The following PACC1 variants were observed in gnomAD, a reference collection of about 807,000 sequenced individuals.
PACC1 encodes the protein proton-activated chloride channel.
A neutral mutation model predicts 39.7 loss-of-function variants in PACC1; 34 were observed. The observed-to-expected ratio is 0.86, with a 90% CI of 0.65 to 1.14. The LOEUF (loss-of-function observed/expected upper bound fraction) is 1.14. Ranked by LOEUF, PACC1 falls within the 50% of genes most tolerant of loss-of-function variation. PACC1 has a pLI of 0.00. For synonymous variants in PACC1, 127 were observed against 160.6 expected, an observed-to-expected ratio of 0.79 and a Z score of 1.58; for missense variants, 379 against 436.4, an observed-to-expected ratio of 0.87 and a Z score of 1.17.
chr1:212,401,329 A>G (rs995462312), intron 2 of PACC1, among the ~76,000 whole-genome samples: 5 of 152,094 alleles, frequency 3.3e-5, no homozygotes, highest in Non-Finnish European at 5.9e-5. Context: ...TTCTCTCACT[A>G]TGTTTTCGAG....
At position 212,410,478 on chromosome 1, in the gene PACC1, G is replaced by A; in HGVS notation, c.80C>T (p.Ala27Val). The A allele has an allele frequency of 6.2e-7, 1 of 1,614,176 alleles. No individual in the cohort carries two copies. Among genetic ancestry groups the A allele is most frequent in the Non-Finnish European group, 8.5e-7 (1 of 1,180,018 alleles). Residue 27 changes from alanine to valine, a missense_variant, in exon 2 of 8, where the codon GCA becomes GTA. Coordinates refer to ENST00000261455, the MANE Select transcript of PACC1 (RefSeq NM_018252.3). The part of the protein sequence containing the change: ...LVQVVENSEL[A>V]DEQDKETVRV... ...GACCGTCTCCTTGTCCTGCTCGTCT[G>A]CCAGCTCTGAGTTCTCAACCACCTG...
intron 2 of PACC1, among the ~76,000 whole-genome samples, chr1:212,388,054 C>CAAA (rs57874166): frequency 9.9e-6 from 1 of 100,590 alleles, no homozygotes; most frequent in Non-Finnish European, 2.2e-5. Flanking sequence ...AACTCCATCT[C>CAAA]AAAAAAAAAA....
chr1:212,367,616 GGTCTGGGA>G (rs1660292930), intron 7 of PACC1, among the ~76,000 whole-genome samples: 1 of 152,102 alleles, frequency 6.6e-6, no homozygotes, highest in African/African-American at 2.4e-5. Context: ...ATACTGCACT[GGTCTGGGA>G]GTCTGTGGGT....
At chr1:212,388,518 G>A (rs764003153) in intron 2 of PACC1, among the ~76,000 whole-genome samples, 6 of 152,126 alleles carry the variant, frequency 3.9e-5, no homozygotes, top group Non-Finnish European at 7.4e-5. Flanking sequence ...ATATAATTAA[G>A]GTTAAATGTG....
intron 4 of PACC1, among the ~76,000 whole-genome samples, chr1:212,380,817 C>T (rs1660850102): frequency 6.6e-6 from 1 of 152,214 alleles, no homozygotes; most frequent in African/African-American, 2.4e-5. Flanking sequence ...CTTCCCCATC[C>T]CCAAACTTGT....
rs563233057 is a variant in PACC1 at position 212,384,035 on chromosome 1, T to G, written c.495+1239A>C. On this transcript the variant is annotated intron_variant, in intron 4 of 7. Coordinates refer to ENST00000261455, the MANE Select transcript of PACC1 (RefSeq NM_018252.3). ...AACGGTGCTGATTCCAAGCTGGGGG[T>G]TTGGAAGGAAAGCTTGTACCTCTAC... Among the ~76,000 whole-genome samples, 85 of 152,176 alleles carry G rather than the reference T, an allele frequency of 5.6e-4. 1 individual carries two copies. The South Asian group carries it at 0.017, about 30-fold the overall frequency.
intron 7 of PACC1, among the ~76,000 whole-genome samples, chr1:212,371,554 A>G (rs1039666768): frequency 1.3e-5 from 2 of 152,134 alleles, no homozygotes; most frequent in Non-Finnish European, 2.9e-5. Context: ...AGGCAGTAAT[A>G]AAAGAAAAGC....
rs1448711111 is a variant in PACC1 at position 212,410,445 on chromosome 1, T to G, written c.113A>C (p.Gln38Pro). 6.2e-7 allele frequency: 1 copy of G among 1,614,150 alleles called. No homozygotes were observed. Among genetic ancestry groups the G allele is most frequent in the Non-Finnish European group, 8.5e-7 (1 of 1,179,998 alleles). ...CTCACCTGGTAAGATACCCGGACCT[T>G]GGACTCTGACCGTCTCCTTGTCCTG... ...DEQDKETVRV[Q>P]GPGILPGLDS... The change falls in exon 2 of 8, where the codon CAA (glutamine) becomes CCA (proline). Residue 38 changes from glutamine (Q) to proline (P), a missense_variant. Transcript: ENST00000261455.
At chr1:212,412,065 C>T (rs577175966) in intron 1 of PACC1, among the ~76,000 whole-genome samples, 6 of 151,678 alleles carry the variant, frequency 4.0e-5, no homozygotes, top group South Asian at 2.1e-4. Context: ...CTCTTGAACC[C>T]GGGAGGCGGA....
chr1:212,383,128 T>C (rs1394773331), intron 4 of PACC1, among the ~76,000 whole-genome samples: 1 of 152,234 alleles, frequency 6.6e-6, no homozygotes, highest in African/African-American at 2.4e-5. Flanking sequence ...GCTTGTGGAC[T>C]TCAAGAAATT....
At chr1:212,383,743 T>C (rs903822744) in intron 4 of PACC1, among the ~76,000 whole-genome samples, 23 of 152,234 alleles carry the variant, frequency 1.5e-4, no homozygotes, top group Admixed American at 4.6e-4. Context: ...AAGCTAAGTA[T>C]GCTCTGTGGA....
rs1662189565 is a variant in PACC1, at chr1:212,412,916, G to A, written c.36+1806C>T. Among the ~76,000 whole-genome samples the A allele has an allele frequency of 3.3e-5, 5 of 152,296 alleles. No homozygotes were observed. In the South Asian group the frequency reaches 1.0e-3, roughly 32 times the overall value. ...TCCCCAAACAACCCTGGGAGGTAGG[G>A]ACTTTTATTATCTTCATCTTTCAGA... is the stretch of plus-strand genomic sequence containing the variant. On this transcript the variant is annotated intron_variant, in intron 1 of 7. Transcript: ENST00000261455.
intron 7 of PACC1, among the ~76,000 whole-genome samples, chr1:212,374,632 G>T (rs1660580856): frequency 1.3e-5 from 2 of 152,074 alleles, no homozygotes; most frequent in South Asian, 4.2e-4. Flanking sequence ...GACTTTGTCT[G>T]CATTTATCAA....
chr1:212,411,903 G>C (rs531290892), intron 1 of PACC1, among the ~76,000 whole-genome samples: 2 of 152,304 alleles, frequency 1.3e-5, no homozygotes, highest in Admixed American at 1.3e-4. Context: ...CACTTTGGGA[G>C]GCCGAGGTGG....
intron 4 of PACC1, among the ~76,000 whole-genome samples, chr1:212,382,201 C>T (rs1660924375): frequency 6.6e-6 from 1 of 152,022 alleles, no homozygotes; most frequent in Non-Finnish European, 1.5e-5. Flanking sequence ...ACTACACACG[C>T]CTGATTTTTT....
intron 2 of PACC1, among the ~76,000 whole-genome samples, chr1:212,399,081 A>T (rs1463021010): frequency 1.3e-5 from 2 of 152,248 alleles, no homozygotes; most frequent in Non-Finnish European, 2.9e-5. Flanking sequence ...ATGGGTGAAA[A>T]TACATTCACT....
chr1:212,412,362 C>T (rs1213971148), intron 1 of PACC1, among the ~76,000 whole-genome samples: 2 of 152,164 alleles, frequency 1.3e-5, no homozygotes, highest in African/African-American at 4.8e-5. Flanking sequence ...CACCAGGTTC[C>T]CTTCCTGACT....
Position 212,363,965 on chromosome 1 carries a change from A to C in PACC1, c.*1250T>G, listed in dbSNP as rs939498179. 6 of 152,200 alleles carry C rather than the reference A, an allele frequency of 3.9e-5. No individual in the cohort carries two copies. Among genetic ancestry groups the C allele is most frequent in the Non-Finnish European group, 7.3e-5 (5 of 68,036 alleles). The allele number at this position is 152,200 out of a possible 1,614,324, so 9.4% of individuals were successfully genotyped here. On this transcript the variant is annotated 3_prime_UTR_variant, in exon 8 of 8. Transcript: ENST00000261455. ...GTTCACTTTTAATCATTCATCCAAA[A>C]AACAGTTTCTTCCCATTTAAAATGC...
At chr1:212,390,946 G>C (rs1661295514) in intron 2 of PACC1, among the ~76,000 whole-genome samples, 1 of 152,214 alleles carries the variant, frequency 6.6e-6, no homozygotes, top group African/African-American at 2.4e-5. Flanking sequence ...CGGCCGGGAA[G>C]CTCGAACTGG....
Sources: allele counts gnomAD v4.1 joint callset (sites outside exome capture counted in the v4.1 genomes callset), GRCh38; gene constraint gnomAD v4.1.1; transcripts MANE v1.5; gene names NCBI Gene and HGNC (gene_info 2026-07-23, HGNC 2026-07-21).